The following TMEM50B variants were observed in gnomAD, a reference collection of about 807,000 sequenced individuals.
The protein encoded by TMEM50B is transmembrane protein 50B, also known as HCV p7-trans-regulated protein 3.
Under a neutral mutation model 23.4 loss-of-function variants are expected in TMEM50B, and 14 were observed. That is an observed-to-expected ratio of 0.60 (90% CI 0.39 to 0.93). The LOEUF is 0.93. Among genes scored for constraint, TMEM50B ranks in the 40% least tolerant of loss-of-function variants. The probability of loss-of-function intolerance (pLI) is 0.00; values close to 1 mark genes in which losing one functional copy is unlikely to be tolerated. For synonymous variants in TMEM50B, 64 were observed against 62.3 expected (o/e 1.03, Z -0.13); for missense variants, 159 against 193.0 (o/e 0.82, Z 1.04).
chr21:33,460,230 G>A (rs1392344178), intron 5 of TMEM50B, 183 bp downstream of exon 5: 1 of 540,294 alleles, frequency 1.9e-6, no homozygotes, highest in Non-Finnish European at 3.3e-6. Context: ...TCCTAACCAG[G>A]GCTATCCTAC....
At chr21:33,464,500 G>A (rs1286610805) in intron 4 of TMEM50B, among the ~76,000 whole-genome samples, 3 of 141,982 alleles carry the variant, frequency 2.1e-5, no homozygotes, top group Non-Finnish European at 3.1e-5. Flanking sequence ...GCGCCCGGCC[G>A]TAAATGTTTA....
chr21:33,464,066 T>C (rs1194353240), intron 4 of TMEM50B, among the ~76,000 whole-genome samples: 3 of 152,206 alleles, frequency 2.0e-5, no homozygotes, highest in Non-Finnish European at 2.9e-5. Context: ...AAGCACAGCA[T>C]AGTGGCTAAA....
At chr21:33,471,050 G>A (rs1457506794) in intron 1 of TMEM50B, among the ~76,000 whole-genome samples, 3 of 152,108 alleles carry the variant, frequency 2.0e-5, no homozygotes, top group Non-Finnish European at 4.4e-5. Flanking sequence ...CCAGAAGATG[G>A]GAGTTCAGGA....
At position 33,432,800 on chromosome 21, in the gene TMEM50B, G is replaced by A; in HGVS notation, c.*2123C>T. The A allele has an allele frequency of 6.8e-6, 11 of 1,613,786 alleles. No homozygotes were observed. Among genetic ancestry groups the A allele is most frequent in the Non-Finnish European group, 8.5e-6 (10 of 1,179,850 alleles). ...GCTGGCAGGAGCCTGTTTCTTCCTG[G>A]TCCTGAAATATAGAGGCCTGATTAA... On this transcript the variant is annotated splice_region_variant and 3_prime_UTR_variant and NMD_transcript_variant, in exon 9 of 9. Coordinates refer to the TMEM50B transcript ENST00000420455.
At chr21:33,437,020 C>CT in intron 8 of TMEM50B, 1 of 1,590,732 alleles carries the variant, frequency 6.3e-7, no homozygotes, top group African/African-American at 1.3e-5. Context: ...ATCGGAGCTG[C>CT]TAGAGTTCTG....
chr21:33,475,236 GT>G (rs2084357763), intron 1 of TMEM50B, among the ~76,000 whole-genome samples: 1 of 152,044 alleles, frequency 6.6e-6, no homozygotes, highest in African/African-American at 2.4e-5. Flanking sequence ...CAAACATTTT[GT>G]TTCTTAATCT....
chr21:33,476,475 T>C (rs756262123), intron 1 of TMEM50B, among the ~76,000 whole-genome samples: 1 of 152,120 alleles, frequency 6.6e-6, no homozygotes, highest in Non-Finnish European at 1.5e-5. Flanking sequence ...TCTTTTAAGT[T>C]ATAACATCAG....
intron 8 of TMEM50B, among the ~76,000 whole-genome samples, chr21:33,435,756 G>A (rs1383434166): frequency 6.6e-6 from 1 of 151,868 alleles, no homozygotes; most frequent in Non-Finnish European, 1.5e-5. Context: ...GGTGGCATGC[G>A]CCTGTAGTCC....
At chr21:33,436,916 T>C (rs1377054541) in intron 8 of TMEM50B, 4 of 1,613,918 alleles carry the variant, frequency 2.5e-6, no homozygotes, top group East Asian at 2.2e-5. Context: ...GTGTCCATTA[T>C]CTCGTTTCCG....
intron 5 of TMEM50B, 138 bp downstream of exon 5, chr21:33,460,275 A>G: frequency 1.5e-6 from 1 of 668,388 alleles, no homozygotes; most frequent in Admixed American, 2.6e-5. Context: ...GTTTTATTAA[A>G]CTCATGTATC....
intron 1 of TMEM50B, among the ~76,000 whole-genome samples, chr21:33,472,336 T>C (rs1368581709): frequency 6.6e-6 from 1 of 151,972 alleles, no homozygotes; most frequent in Non-Finnish European, 1.5e-5. Flanking sequence ...TGAGCCGAGA[T>C]TGCACCACTG....
chr21:33,465,279 CTTT>C (rs1454774307), intron 4 of TMEM50B, 60 bp downstream of exon 4: 1 of 1,264,292 alleles, frequency 7.9e-7, no homozygotes, highest in Non-Finnish European at 1.1e-6. Context: ...ACAAGAGAGG[CTTT>C]TTTTCTGGTG....
chr21:33,452,457 C>G (rs1454678595), intron 6 of TMEM50B, among the ~76,000 whole-genome samples: 2 of 152,122 alleles, frequency 1.3e-5, no homozygotes, highest in Non-Finnish European at 2.9e-5. Flanking sequence ...GAAAGAACCA[C>G]TGGAAAGAAC....
At chr21:33,439,874 T>C (rs2083993314) in intron 7 of TMEM50B, among the ~76,000 whole-genome samples, 1 of 151,426 alleles carries the variant, frequency 6.6e-6, no homozygotes, top group African/African-American at 2.4e-5. Context: ...GGCGAAAACC[T>C]GTTTCTATTA....
intron 1 of TMEM50B, among the ~76,000 whole-genome samples, chr21:33,477,083 T>A (rs2123466892): frequency 6.6e-6 from 1 of 151,790 alleles, no homozygotes; most frequent in East Asian, 2.0e-4. Context: ...GGTGGATGGC[T>A]TGAGTTCAGG....
chr21:33,436,675 TCACAC>T (rs1385470248), intron 8 of TMEM50B, among the ~76,000 whole-genome samples: 1 of 149,894 alleles, frequency 6.7e-6, no homozygotes, highest in Non-Finnish European at 1.5e-5. Flanking sequence ...TGAGCTGAGA[TCACAC>T]CACTATACTC....
At chr21:33,458,419 A>G (rs1196218070) in intron 5 of TMEM50B, among the ~76,000 whole-genome samples, 1 of 152,046 alleles carries the variant, frequency 6.6e-6, no homozygotes, top group Non-Finnish European at 1.5e-5. Context: ...GAGGCTGAGA[A>G]AGGAGAATTG....
Position 33,450,019 on chromosome 21 carries a change from C to A in TMEM50B, c.*799G>T, listed in dbSNP as rs2084102994. 6.6e-6 allele frequency: 1 copy of A among 152,326 alleles called. No homozygotes were observed. Among genetic ancestry groups the A allele is most frequent in the African/African-American group, 2.4e-5 (1 of 41,422 alleles). 9.4% of individuals were successfully genotyped at this position (152,326 alleles called of 1,614,324 possible). A position where few individuals can be genotyped will look rare whatever the true frequency, so the allele number is the denominator to read the frequency against. ...CTAGTCCTTTGGGCATTTAAAAAATCATTATATAAAAGTACACTTCTTCAA... is the reference window on the plus strand; with the variant it reads ...CTAGTCCTTTGGGCATTTAAAAAATAATTATATAAAAGTACACTTCTTCAA... On this transcript the variant is annotated 3_prime_UTR_variant, in exon 7 of 7. Coordinates refer to ENST00000542230, the MANE Select transcript of TMEM50B (RefSeq NM_006134.7).
chr21:33,439,811 C>G (rs62226410), intron 7 of TMEM50B, among the ~76,000 whole-genome samples: 151,938 of 151,990 alleles, frequency 1, 75,943 homozygotes, highest in Middle Eastern at 1. Flanking sequence ...ACTTTGAGAC[C>G]CTGAGGTGGG....
Sources: allele counts gnomAD v4.1 joint callset (sites outside exome capture counted in the v4.1 genomes callset), GRCh38; gene constraint gnomAD v4.1.1; transcripts MANE v1.5; gene names NCBI Gene and HGNC (gene_info 2026-07-23, HGNC 2026-07-21).